C2orf66: variants seen among roughly 807,000 people sequenced by gnomAD.
C2orf66 encodes chromosome 2 open reading frame 66.
Under a neutral mutation model 7.0 loss-of-function variants are expected in C2orf66, and 6 were observed. That is an observed-to-expected ratio of 0.86 (90% CI 0.47 to 1.69). The LOEUF (loss-of-function observed/expected upper bound fraction) is 1.69. Among genes scored for constraint, C2orf66 ranks in the 40% most tolerant of loss-of-function variants. The pLI, the probability that C2orf66 is intolerant of heterozygous loss-of-function variation, is 0.01. For synonymous variants in C2orf66, 38 were observed against 43.8 expected, an observed-to-expected ratio of 0.87 and a Z score of 0.52; for missense variants, 107 against 112.0, an observed-to-expected ratio of 0.96 and a Z score of 0.20.
intron 2 of C2orf66, among the ~76,000 whole-genome samples, chr2:196,806,602 G>A (rs2125757604): frequency 6.6e-6 from 1 of 151,648 alleles, no homozygotes; most frequent in South Asian, 2.1e-4. Context: ...TGTAATCCCA[G>A]CACTTTGGGA....
the C2orf66 span, among the ~76,000 whole-genome samples, chr2:196,814,591 A>T: frequency 6.6e-6 from 1 of 152,182 alleles, no homozygotes; most frequent in Non-Finnish European, 1.5e-5. Context: ...ATCAAAAAAA[A>T]AATTTTTACT....
chr2:196,811,374 TGGTTACAC>T (rs370588707), upstream of C2orf66, among the ~76,000 whole-genome samples: 60 of 152,230 alleles, frequency 3.9e-4, no homozygotes, highest in African/African-American at 1.3e-3. Context: ...GCCAGTTAGG[TGGTTACAC>T]AGTAGTCCAG....
chr2:196,815,163 T>C, the C2orf66 span, among the ~76,000 whole-genome samples: 2 of 151,916 alleles, frequency 1.3e-5, no homozygotes, highest in Non-Finnish European at 2.9e-5. Flanking sequence ...AGAACCATGT[T>C]TCACTATGTT....
chr2:196,831,564 A>G, the C2orf66 span, among the ~76,000 whole-genome samples: 1 of 152,110 alleles, frequency 6.6e-6, no homozygotes, highest in Admixed American at 6.5e-5. Context: ...GAGACCCCGG[A>G]TGGGTCCCCA....
the C2orf66 span, among the ~76,000 whole-genome samples, chr2:196,823,169 C>T: frequency 6.6e-6 from 1 of 152,124 alleles, no homozygotes; most frequent in East Asian, 1.9e-4. Context: ...GAAAGGGTGG[C>T]CGTAAAGAGC....
At chr2:196,807,335 TTA>T (rs980815621) in intron 2 of C2orf66, 87 bp downstream of exon 2, 1 of 762,550 alleles carries the variant, frequency 1.3e-6, no homozygotes, top group African/African-American at 1.8e-5. Context: ...GGAAATAAAA[TTA>T]TGTTTTCAAA....
the C2orf66 span, among the ~76,000 whole-genome samples, chr2:196,817,624 G>GT: frequency 6.6e-6 from 1 of 152,086 alleles, no homozygotes; most frequent in Non-Finnish European, 1.5e-5. Flanking sequence ...CCAGGGTGGG[G>GT]TTTTTCCCCA....
upstream of C2orf66, among the ~76,000 whole-genome samples, chr2:196,811,056 A>C (rs1052454093): frequency 1.3e-5 from 2 of 152,196 alleles, no homozygotes; most frequent in Non-Finnish European, 2.9e-5. Context: ...CAGTCAACTG[A>C]ATAGGAGTTA....
chr2:196,824,261 G>C, the C2orf66 span, among the ~76,000 whole-genome samples: 3 of 151,724 alleles, frequency 2.0e-5, no homozygotes, highest in South Asian at 2.1e-4. Context: ...TCTTTGTAAG[G>C]GTTTTTTTTT....
chr2:196,820,771 G>C, the C2orf66 span, among the ~76,000 whole-genome samples: 22 of 152,354 alleles, frequency 1.4e-4, no homozygotes, highest in African/African-American at 5.0e-4. Context: ...AAAGCTGGCA[G>C]TGCAGATTGA....
At chr2:196,820,354 G>T in the C2orf66 span, among the ~76,000 whole-genome samples, 1 of 152,164 alleles carries the variant, frequency 6.6e-6, no homozygotes, top group Non-Finnish European at 1.5e-5. Context: ...CGTCATAGGA[G>T]ATATCTCCCA....
the C2orf66 span, among the ~76,000 whole-genome samples, chr2:196,823,336 C>T: frequency 6.6e-6 from 1 of 152,058 alleles, no homozygotes; most frequent in African/African-American, 2.4e-5. Context: ...AGAGAAATTA[C>T]TAGGGGCTGG....
At chr2:196,809,921 G>C (rs1699859000), upstream of C2orf66, 1 of 152,254 alleles carries the variant, frequency 6.6e-6, no homozygotes, top group South Asian at 2.1e-4. Flanking sequence ...CAGGAGTTTG[G>C]TTTTGGTTGG....
the C2orf66 span, among the ~76,000 whole-genome samples, chr2:196,828,265 C>CAT: frequency 6.6e-6 from 1 of 151,286 alleles, no homozygotes; most frequent in East Asian, 1.9e-4. Flanking sequence ...CACACACACA[C>CAT]ACACACACAC....
chr2:196,827,286 A>G, the C2orf66 span, among the ~76,000 whole-genome samples: 2 of 151,698 alleles, frequency 1.3e-5, no homozygotes, highest in Non-Finnish European at 1.5e-5. Context: ...AAAAACCCCG[A>G]CAACATTGGG....
the C2orf66 span, among the ~76,000 whole-genome samples, chr2:196,831,253 T>A: frequency 6.6e-6 from 1 of 152,128 alleles, no homozygotes; most frequent in Admixed American, 6.5e-5. Context: ...AGTTTTTCCC[T>A]GTTTACTCAG....
At chr2:196,818,322 G>T in the C2orf66 span, among the ~76,000 whole-genome samples, 3 of 152,216 alleles carry the variant, frequency 2.0e-5, no homozygotes, top group African/African-American at 7.2e-5. Flanking sequence ...AAGCAAGGTT[G>T]CCATGCTTCC....
At chr2:196,829,481 C>T in the C2orf66 span, among the ~76,000 whole-genome samples, 17 of 151,972 alleles carry the variant, frequency 1.1e-4, no homozygotes, top group African/African-American at 3.6e-4. Flanking sequence ...CCCAGCTACT[C>T]GGGAGGCTGA....
the C2orf66 span, among the ~76,000 whole-genome samples, chr2:196,826,166 T>G: frequency 3.3e-5 from 5 of 152,136 alleles, no homozygotes; most frequent in Admixed American, 3.3e-4. Context: ...TTTAATCAGA[T>G]CTGGTAATGT....
Sources: allele counts gnomAD v4.1 joint callset (sites outside exome capture counted in the v4.1 genomes callset), GRCh38; gene constraint gnomAD v4.1.1; transcripts MANE v1.5; gene names NCBI Gene and HGNC (gene_info 2026-07-23, HGNC 2026-07-21).